Variants in CCDC148 observed in about 807,000 individuals in gnomAD.
The protein encoded by CCDC148 is coiled-coil domain-containing protein 148.
CCDC148 carries 89 observed loss-of-function variants against 85.7 expected under a neutral mutation model. That is an observed-to-expected ratio of 1.04 (90% CI 0.87 to 1.24). CCDC148 has a LOEUF of 1.24. Among genes scored for constraint, CCDC148 ranks in the 50% most tolerant of loss-of-function variants. The pLI, the probability that CCDC148 is intolerant of heterozygous loss-of-function variation, is 0.00. For missense variants in CCDC148, 692 were observed against 671.7 expected (o/e 1.03, Z -0.33); for synonymous variants, 230 against 213.9 (o/e 1.08, Z -0.66).
chr2:158,425,319 G>T, intron 1 of CCDC148: 1 of 521,678 alleles, frequency 1.9e-6, no homozygotes, highest in Non-Finnish European at 3.8e-6. Context: ...GAGGACATTG[G>T]AGAAAACAGG....
At chr2:158,386,289 C>T (rs964764477) in intron 1 of CCDC148, among the ~76,000 whole-genome samples, 6 of 151,958 alleles carry the variant, frequency 3.9e-5, no homozygotes, top group African/African-American at 1.2e-4. Context: ...AATGGAGAAA[C>T]CATGTTTTGA....
At position 158,313,799 on chromosome 2, in the gene CCDC148, T is replaced by C. The variant is rs781496163; in HGVS notation, c.860A>G (p.Asp287Gly). The C allele has an allele frequency of 6.2e-7, 1 of 1,613,992 alleles. No homozygotes were observed. Among genetic ancestry groups the C allele is most frequent in the Non-Finnish European group, 8.5e-7 (1 of 1,179,916 alleles). Residue 287 changes from aspartate to glycine, a missense_variant, in exon 8 of 14, where the codon GAC becomes GGC. Physicochemically the swap from Asp to Gly is moderately conservative, Grantham distance 94. Coordinates refer to ENST00000283233, the MANE Select transcript of CCDC148 (RefSeq NM_138803.4). ...GTGAGGAAAATATCTTTGTAACATG[T>C]CCAGATACAGAGTCCTTCTTCCAAA... The part of the protein sequence containing the change: ...DLFGRRTLYL[D>G]MLQRYFPHKS...
intron 8 of CCDC148, 82 bp downstream of exon 8, chr2:158,313,674 G>T: frequency 7.7e-7 from 1 of 1,303,452 alleles, no homozygotes; most frequent in Non-Finnish European, 1.0e-6. Flanking sequence ...AAGAACCATT[G>T]AAAATACATG....
intron 10 of CCDC148, among the ~76,000 whole-genome samples, chr2:158,247,030 G>A (rs958889762): frequency 3.9e-5 from 6 of 152,086 alleles, no homozygotes; most frequent in African/African-American, 9.7e-5. Context: ...TTACTTGAGC[G>A]TTTTAAATTT....
At chr2:158,328,927 T>C (rs1692940236) in intron 7 of CCDC148, among the ~76,000 whole-genome samples, 1 of 152,018 alleles carries the variant, frequency 6.6e-6, no homozygotes, top group Admixed American at 6.5e-5. Flanking sequence ...CTTTGTCAGA[T>C]GAGTAGAATG....
intron 1 of CCDC148, among the ~76,000 whole-genome samples, chr2:158,431,314 TA>T (rs952102543): frequency 6.6e-6 from 1 of 151,406 alleles, no homozygotes; most frequent in African/African-American, 2.4e-5. Context: ...AAAACTGTCA[TA>T]AAAAAATCTT....
In CCDC148 at chr2:158,332,465, G is replaced by C. The variant is rs866812224; in HGVS notation, c.764+6261C>G. Reference sequence around the variant, plus strand: ...TTTTTTCCCTCATTTCAACTTTGGTGAATCTGACAGTTATTGGTCTGAAAT... The same window carrying C: ...TTTTTTCCCTCATTTCAACTTTGGTCAATCTGACAGTTATTGGTCTGAAAT... On this transcript the variant is annotated intron_variant, in intron 7 of 13. Coordinates refer to ENST00000283233, the MANE Select transcript of CCDC148 (RefSeq NM_138803.4). Among the ~76,000 whole-genome samples, 20 of 96,994 alleles carry C rather than the reference G, an allele frequency of 2.1e-4. 4 individuals are homozygous for C. Among genetic ancestry groups the C allele is most frequent in the African/African-American group, 7.6e-4 (17 of 22,484 alleles). 63.6% of individuals were successfully genotyped at this position (96,994 alleles called of 152,430 possible). A position where few individuals can be genotyped will look rare whatever the true frequency, so the allele number is the denominator to read the frequency against.
intron 9 of CCDC148, among the ~76,000 whole-genome samples, chr2:158,306,678 C>A (rs1691703324): frequency 7.0e-6 from 1 of 143,566 alleles, no homozygotes; most frequent in Non-Finnish European, 1.5e-5. Flanking sequence ...GGGCCTGTTG[C>A]AGGGTGGGGG....
chr2:158,184,910 C>T (rs1282552531), intron 11 of CCDC148, among the ~76,000 whole-genome samples: 2 of 152,134 alleles, frequency 1.3e-5, no homozygotes, highest in East Asian at 3.9e-4. Flanking sequence ...GACAAGTTTC[C>T]AGGTGATGCT....
At chr2:158,318,378 T>C (rs982238404) in intron 7 of CCDC148, among the ~76,000 whole-genome samples, 3 of 152,094 alleles carry the variant, frequency 2.0e-5, no homozygotes, top group South Asian at 2.1e-4. Context: ...TCAAAATCCA[T>C]TGAAACAAAC....
chr2:158,360,119 T>C (rs1184763486), intron 1 of CCDC148, among the ~76,000 whole-genome samples: 3 of 152,188 alleles, frequency 2.0e-5, no homozygotes, highest in African/African-American at 7.2e-5. Context: ...ACAGACTACT[T>C]CTGTAGATTC....
intron 1 of CCDC148, among the ~76,000 whole-genome samples, chr2:158,437,656 G>C (rs1687725175): frequency 6.6e-6 from 1 of 152,098 alleles, no homozygotes; most frequent in Admixed American, 6.5e-5. Context: ...GGAAATAAAG[G>C]GTATTCAATT....
chr2:158,337,872 A>G (rs1267431507), intron 7 of CCDC148, among the ~76,000 whole-genome samples: 3 of 152,222 alleles, frequency 2.0e-5, no homozygotes, highest in African/African-American at 7.2e-5. Flanking sequence ...GCTGCAGTTC[A>G]CAGGCAATTC....
At chr2:158,432,284 T>C (rs1367391641) in intron 1 of CCDC148, among the ~76,000 whole-genome samples, 1 of 150,844 alleles carries the variant, frequency 6.6e-6, no homozygotes, top group Non-Finnish European at 1.5e-5. Context: ...TAGTTATAAG[T>C]ATATTAAAGG....
intron 9 of CCDC148, among the ~76,000 whole-genome samples, chr2:158,285,533 A>G (rs1255949911): frequency 6.7e-6 from 1 of 149,196 alleles, no homozygotes; most frequent in East Asian, 2.0e-4. Flanking sequence ...TAAGGTAACT[A>G]CTTTTTTTTT....
chr2:158,346,204 C>T (rs1682984679), intron 2 of CCDC148, among the ~76,000 whole-genome samples: 1 of 152,178 alleles, frequency 6.6e-6, no homozygotes, highest in African/African-American at 2.4e-5. Flanking sequence ...GTTTCTCAGG[C>T]ACCCCTATCA....
intron 2 of CCDC148, among the ~76,000 whole-genome samples, chr2:158,354,449 C>G (rs1206678457): frequency 1.3e-5 from 2 of 151,620 alleles, no homozygotes; most frequent in Non-Finnish European, 3.0e-5. Context: ...ACTACAAACA[C>G]CTCTACGCAA....
chr2:158,358,757 T>C (rs1683790494), intron 1 of CCDC148, among the ~76,000 whole-genome samples, 187 bp from the exon 2 acceptor site: 1 of 151,902 alleles, frequency 6.6e-6, no homozygotes. Flanking sequence ...TATTATAATA[T>C]AGCCACTTTA....
intron 10 of CCDC148, among the ~76,000 whole-genome samples, chr2:158,231,838 T>C (rs571424094): frequency 6.6e-6 from 1 of 152,254 alleles, no homozygotes; most frequent in South Asian, 2.1e-4. Context: ...TTCAGGATGG[T>C]AAAGGCCAAA....
Sources: gnomAD v4.1 joint callset for allele counts (sites outside exome capture counted in the v4.1 genomes callset) on GRCh38, gnomAD v4.1.1 for gene constraint, MANE v1.5 for transcripts, NCBI Gene and HGNC (gene_info 2026-07-23, HGNC 2026-07-21) for gene names.